The following STK32B variants were observed in gnomAD, a reference collection of about 807,000 sequenced individuals.
The protein encoded by STK32B is serine/threonine kinase 32B.
STK32B carries 43 observed loss-of-function variants against 52.6 expected under a neutral mutation model. The observed-to-expected ratio is 0.82, with a 90% CI of 0.64 to 1.05. STK32B has a LOEUF of 1.05. Ranked by LOEUF, STK32B falls within the 50% of genes least tolerant of loss-of-function variation. The probability of loss-of-function intolerance (pLI) is 0.00; values close to 1 mark genes in which losing one functional copy is unlikely to be tolerated. For missense variants in STK32B, 621 were observed against 534.6 expected (o/e 1.16, Z -1.59); for synonymous variants, 238 against 204.3 (o/e 1.17, Z -1.41).
At chr4:5,256,793 T>A (rs1294645779) in intron 3 of STK32B, among the ~76,000 whole-genome samples, 2 of 152,180 alleles carry the variant, frequency 1.3e-5, no homozygotes. Context: ...ATATGCTCCA[T>A]GGAACCCTGA....
chr4:5,314,321 T>G (rs1165359684), intron 3 of STK32B, among the ~76,000 whole-genome samples: 2 of 152,112 alleles, frequency 1.3e-5, no homozygotes, highest in African/African-American at 4.8e-5. Flanking sequence ...AAATAGTAAT[T>G]GGACAACTGT....
chr4:5,069,117 G>C (rs1264207374), intron 1 of STK32B, among the ~76,000 whole-genome samples: 1 of 152,098 alleles, frequency 6.6e-6, no homozygotes, highest in Non-Finnish European at 1.5e-5. Flanking sequence ...TGCAGGGTTG[G>C]AGCTGTGGAG....
Position 5,386,589 on chromosome 4 carries a change from CT to C in STK32B, c.435-11614del, listed in dbSNP as rs1736271007. ...AGAAACACAATTATTTCTTAGATCC[CT>C]TTTGGCTCTAAAATACCTTTCCCAA... On this transcript the variant is annotated intron_variant, in intron 4 of 11. Coordinates refer to ENST00000282908, the MANE Select transcript of STK32B (RefSeq NM_018401.3). This position sits in a 1 kb window ranked among gnomAD's most constrained non-coding sequence, Gnocchi z 4.5. Among the ~76,000 whole-genome samples the C allele has an allele frequency of 1.3e-5, 2 of 152,330 alleles. No individual in the cohort carries two copies. The highest frequency in any genetic ancestry group is 4.8e-5 in the African/African-American group (2 of 41,586).
chr4:5,496,730 C>T lies in STK32B; in HGVS notation c.1107-2215C>T, dbSNP rs368971273. Reference sequence around the variant, plus strand: ...ATTTTCCTGGTCTTAAGTCTCTGTCCTTGAAGATCAAAATGTTGCCGTTCC... The same window carrying T: ...ATTTTCCTGGTCTTAAGTCTCTGTCTTTGAAGATCAAAATGTTGCCGTTCC... On this transcript the variant is annotated intron_variant, in intron 11 of 11. Transcript: ENST00000282908. Among the ~76,000 whole-genome samples, 8 of 151,874 alleles carry T rather than the reference C, an allele frequency of 5.3e-5. No individual in the cohort carries two copies. The East Asian group carries it at 1.4e-3, about 26-fold the overall frequency.
At chr4:5,099,312 T>C (rs752850536) in intron 1 of STK32B, among the ~76,000 whole-genome samples, 1 of 152,112 alleles carries the variant, frequency 6.6e-6, no homozygotes, top group Non-Finnish European at 1.5e-5. Flanking sequence ...CTTTCTCAGG[T>C]TCTAGGAACT....
intron 3 of STK32B, among the ~76,000 whole-genome samples, chr4:5,217,654 T>C (rs1013825124): frequency 1.3e-5 from 2 of 152,244 alleles, no homozygotes; most frequent in African/African-American, 4.8e-5. Flanking sequence ...ATCTGACTTA[T>C]TGTTTTAATA....
intron 3 of STK32B, among the ~76,000 whole-genome samples, chr4:5,211,160 G>T (rs1262833773): frequency 6.6e-6 from 1 of 152,138 alleles, no homozygotes; most frequent in Non-Finnish European, 1.5e-5. Flanking sequence ...AAAGCTCTGA[G>T]AATTCCTTCA....
intron 3 of STK32B, among the ~76,000 whole-genome samples, chr4:5,296,465 A>G (rs1729205234): frequency 6.6e-6 from 1 of 152,166 alleles, no homozygotes; most frequent in Admixed American, 6.5e-5. Context: ...GTGCATATAT[A>G]TTTAGGATAG....
chr4:5,442,703 T>A (rs1377026707), intron 6 of STK32B, among the ~76,000 whole-genome samples: 1 of 152,216 alleles, frequency 6.6e-6, no homozygotes, highest in African/African-American at 2.4e-5. Context: ...CTAGTCTTGA[T>A]GGTCTTTACA....
At chr4:5,121,681 T>C (rs537795436) in intron 1 of STK32B, among the ~76,000 whole-genome samples, 1 of 152,318 alleles carries the variant, frequency 6.6e-6, no homozygotes, top group African/African-American at 2.4e-5. Context: ...GTAAGAGATA[T>C]TATTGTTTCC....
intron 3 of STK32B, among the ~76,000 whole-genome samples, chr4:5,193,786 T>G (rs1721423576): frequency 6.6e-6 from 1 of 152,236 alleles, no homozygotes. Context: ...TTCAGAGTGT[T>G]TGCTGATTCA....
chr4:5,358,581 A>G (rs1184963534), intron 4 of STK32B, among the ~76,000 whole-genome samples: 1 of 152,140 alleles, frequency 6.6e-6, no homozygotes, highest in Non-Finnish European at 1.5e-5. Context: ...ATGGAAAAAA[A>G]AACCCTCTAC....
At chr4:5,088,868 A>G (rs760144000) in intron 1 of STK32B, among the ~76,000 whole-genome samples, 3 of 151,796 alleles carry the variant, frequency 2.0e-5, no homozygotes, top group Admixed American at 6.6e-5. Context: ...CAATAACCTA[A>G]TCTTTCACTT....
upstream of STK32B, among the ~76,000 whole-genome samples, chr4:5,047,342 G>A (rs569981680): frequency 3.0e-4 from 45 of 151,892 alleles, no homozygotes; most frequent in African/African-American, 1.0e-3. Flanking sequence ...CTGTTGGGGG[G>A]TGGGGGATGA....
At chr4:5,077,080 T>C (rs1460997958) in intron 1 of STK32B, among the ~76,000 whole-genome samples, 1 of 152,200 alleles carries the variant, frequency 6.6e-6, no homozygotes, top group Non-Finnish European at 1.5e-5. Flanking sequence ...ATCCCTGAAC[T>C]GTAAGCTCCA....
chr4:5,182,228 G>T (rs780747954), intron 3 of STK32B, among the ~76,000 whole-genome samples: 2 of 152,260 alleles, frequency 1.3e-5, no homozygotes, highest in African/African-American at 2.4e-5. Context: ...CACATCTGCA[G>T]TAACTCCCTC....
chr4:5,247,521 C>T (rs189464745), intron 3 of STK32B, among the ~76,000 whole-genome samples: 12 of 152,314 alleles, frequency 7.9e-5, no homozygotes, highest in South Asian at 2.1e-4. Context: ...TTGCACTTCT[C>T]GGGTGAGGCG....
chr4:5,294,147 A>G (rs996133291), intron 3 of STK32B, among the ~76,000 whole-genome samples: 2 of 152,052 alleles, frequency 1.3e-5, no homozygotes, highest in South Asian at 2.1e-4. Context: ...ATTGGTCTAT[A>G]TATCTGTTTT....
chr4:5,470,620 AC>A lies in STK32B; in HGVS notation c.1106+2554del, dbSNP rs1045418217. On this transcript the variant is annotated intron_variant, in intron 11 of 11. Coordinates refer to ENST00000282908, the MANE Select transcript of STK32B (RefSeq NM_018401.3). The surrounding 1 kb of genome is among the most constrained non-coding windows in gnomAD (Gnocchi z 4.6). ...TGTGTCCCCCAAGATGCATCAGCCG[AC>A]CCCATCCCCACCTCATCTTGTGGGA... Among the ~76,000 whole-genome samples the A allele has an allele frequency of 1.3e-5, 2 of 151,768 alleles. No homozygotes were observed. Among genetic ancestry groups the A allele is most frequent in the African/African-American group, 4.8e-5 (2 of 41,320 alleles).
Sources: allele counts gnomAD v4.1 joint callset (sites outside exome capture counted in the v4.1 genomes callset), GRCh38; gene constraint gnomAD v4.1.1; non-coding constraint Gnocchi (gnomAD v3.1); transcripts MANE v1.5; gene names NCBI Gene and HGNC (gene_info 2026-07-23, HGNC 2026-07-21).